The following PWWP3A variants were observed in gnomAD, a reference collection of about 807,000 sequenced individuals.
PWWP3A encodes the protein PWWP domain-containing DNA repair factor 3A.
Under a neutral mutation model 79.0 loss-of-function variants are expected in PWWP3A, and 53 were observed. That is an observed-to-expected ratio of 0.67 (90% CI 0.54 to 0.84). The LOEUF is 0.84. Among genes scored for constraint, PWWP3A ranks in the 40% least tolerant of loss-of-function variants. The pLI, the probability that PWWP3A is intolerant of heterozygous loss-of-function variation, is 0.00. For synonymous variants in PWWP3A, 443 were observed against 394.4 expected (o/e 1.12, Z -1.46); for missense variants, 973 against 948.0 (o/e 1.03, Z -0.35).
chr19:1,376,585 C>T lies in PWWP3A; in HGVS notation c.*9C>T, dbSNP rs761182312. ...ACCGGCGCCGTCGGTGAGGGAGCAG[C>T]CGGCTGTGCTGTCAGCGGGGCCTGG... is the stretch of plus-strand genomic sequence containing the variant. On this transcript the variant is annotated 3_prime_UTR_variant, in exon 14 of 14. Transcript: ENST00000591337. 1.2e-6 allele frequency: 2 copies of T among 1,613,194 alleles called. No individual in the cohort carries two copies. The highest frequency in any genetic ancestry group is 1.7e-5 in the Admixed American group (1 of 59,976).
chr19:1,363,670 C>G (rs2082068170), intron 6 of PWWP3A, among the ~76,000 whole-genome samples: 1 of 152,152 alleles, frequency 6.6e-6, no homozygotes, highest in South Asian at 2.1e-4. Context: ...TCTGAGGGTT[C>G]CCTGACCGGC....
chr19:1,365,512 CTGAT>C (rs2082109664), intron 7 of PWWP3A, among the ~76,000 whole-genome samples: 1 of 152,262 alleles, frequency 6.6e-6, no homozygotes, highest in South Asian at 2.1e-4. Flanking sequence ...TTGCATGTGA[CTGAT>C]TGTGGTTCCG....
At position 1,376,520 on chromosome 19, in the gene PWWP3A, G is replaced by T. The variant is rs1257945719; in HGVS notation, c.2077G>T (p.Glu693Ter). 6.2e-7 allele frequency: 1 copy of T among 1,613,246 alleles called. No homozygotes were observed. The highest frequency in any genetic ancestry group is 1.7e-5 in the Admixed American group (1 of 59,942). The stretch of plus-strand genomic sequence containing the variant: ...AATGAAGACTCTTGTTTTCTGAAGG[G>T]AAAAAGAAATATTTGACAACCAGCT... ...YIKGPSLSYR[E>*]KEIFDNQLLE... Residue 693 changes from glutamate (E) to a stop codon, truncating the protein, a stop_gained and splice_region_variant, in exon 14 of 14, where the codon GAA becomes TAA. Transcript: ENST00000591337. LOFTEE classifies it high-confidence loss of function.
Position 1,364,142 on chromosome 19 carries a change from A to G in PWWP3A, c.1214-367A>G, listed in dbSNP as rs201874289. The stretch of plus-strand genomic sequence containing the variant: ...ACCTCACCTCTGTTTTGTGCCACAC[A>G]CTCTTTAAAAGTGTCTTCCCGCGGG... On this transcript the variant is annotated intron_variant, in intron 6 of 13. Transcript: ENST00000591337. The G allele has an allele frequency of 5.9e-4, 237 of 403,912 alleles. 1 individual carries two copies. The highest frequency in any genetic ancestry group is 3.0e-3 in the East Asian group (56 of 18,546). 25.0% of individuals were successfully genotyped at this position (403,912 alleles called of 1,614,324 possible). A position where few individuals can be genotyped will look rare whatever the true frequency, so the allele number is the denominator to read the frequency against.
rs2082302309 is a variant in PWWP3A at position 1,373,371 on chromosome 19, TG to T, written c.2075+213del. The T allele has an allele frequency of 6.8e-6, 4 of 587,852 alleles. No individual in the cohort carries two copies. The East Asian group carries it at 8.5e-5, about 12-fold the overall frequency. The allele number at this position is 587,852 out of a possible 1,614,324, so 36.4% of individuals were successfully genotyped here. A position where few individuals can be genotyped will look rare whatever the true frequency, so the allele number is the denominator to read the frequency against. ...GAAGGCTGTGCCCGGGTCTCCCAGCTGGTCGCTGTGGGCAGCACGGGGCCAC... is the reference window on the plus strand; with the variant it reads ...GAAGGCTGTGCCCGGGTCTCCCAGCTGTCGCTGTGGGCAGCACGGGGCCAC... On this transcript the variant is annotated intron_variant, in intron 13 of 13. Coordinates refer to ENST00000591337, the MANE Select transcript of PWWP3A (RefSeq NM_001369789.1).
At chr19:1,362,444 A>G in intron 6 of PWWP3A, 93 bp downstream of exon 6, 2 of 930,738 alleles carry the variant, frequency 2.1e-6, no homozygotes, top group Non-Finnish European at 3.3e-6. Flanking sequence ...ATTCTCCATG[A>G]AAGGTCTCCT....
At chr19:1,366,960 C>T (rs973308252) in intron 8 of PWWP3A, among the ~76,000 whole-genome samples, 200 bp from the exon 9 acceptor site, 37 of 152,312 alleles carry the variant, frequency 2.4e-4, no homozygotes, top group African/African-American at 7.7e-4. Flanking sequence ...GGGGCCCAGT[C>T]AGTGTTGCTG....
intron 13 of PWWP3A, 79 bp downstream of exon 13, chr19:1,373,239 G>T: frequency 7.7e-7 from 1 of 1,305,880 alleles, no homozygotes; most frequent in South Asian, 1.2e-5. Flanking sequence ...CAGGCAGTTT[G>T]ACTCCAGGCT....
rs959050726 is a variant in PWWP3A, at chr19:1,367,228, G to A, written c.1422+8G>A. The A allele has an allele frequency of 6.2e-7, 1 of 1,610,548 alleles. No individual in the cohort carries two copies. The highest frequency in any genetic ancestry group is 8.5e-7 in the Non-Finnish European group (1 of 1,177,788). On this transcript the variant is annotated splice_region_variant and intron_variant, in intron 9 of 13. Coordinates refer to ENST00000591337, the MANE Select transcript of PWWP3A (RefSeq NM_001369789.1). ...GAGAAACAGACGCTTCTGGTAGGTG[G>A]ATGATGTTTTGTGCTTGCTTTAAAT...
chr19:1,363,525 C>T (rs1414270002), intron 6 of PWWP3A, among the ~76,000 whole-genome samples: 3 of 152,206 alleles, frequency 2.0e-5, no homozygotes, highest in African/African-American at 4.8e-5. Context: ...GGGCCCTTTC[C>T]GACCACGCTG....
chr19:1,364,611 T>A, intron 7 of PWWP3A, 32 bp downstream of exon 7: 1 of 1,462,198 alleles, frequency 6.8e-7, no homozygotes, highest in Non-Finnish European at 9.4e-7. Context: ...TTCTCAGATG[T>A]AGTTACTTAA....
In PWWP3A at chr19:1,368,281, GT is replaced by G. The variant is rs1221168015; in HGVS notation, c.1423-982del. Reference sequence around the variant, plus strand: ...TGTGGGGTGAGGAGAAGAGCAGGAAGTTCCGTGCCTTAAACGCAGAAGGGCT... The same window carrying G: ...TGTGGGGTGAGGAGAAGAGCAGGAAGTCCGTGCCTTAAACGCAGAAGGGCT... On this transcript the variant is annotated intron_variant, in intron 9 of 13. Transcript: ENST00000591337. The surrounding 1 kb of genome is among the most constrained non-coding windows in gnomAD (Gnocchi z 4.7). Among the ~76,000 whole-genome samples the G allele has an allele frequency of 6.6e-6, 1 of 152,164 alleles. No individual in the cohort carries two copies. The highest frequency in any genetic ancestry group is 1.5e-5 in the Non-Finnish European group (1 of 68,042).
intron 13 of PWWP3A, among the ~76,000 whole-genome samples, chr19:1,375,459 T>C (rs2082346579): frequency 7.7e-6 from 1 of 129,722 alleles, no homozygotes; most frequent in African/African-American, 2.9e-5. Flanking sequence ...ATATATAATG[T>C]ATATTATATA....
rs1342386002 is a variant in PWWP3A, at chr19:1,358,954, T to C, written c.214+490T>C. On this transcript the variant is annotated intron_variant, in intron 4 of 13. Transcript: ENST00000591337. ...CTGGCACTGGGGTTGGTGGCACCCA[T>C]TGTTTGAGGCACTGTCATGGGGGGC... The C allele has an allele frequency of 2.6e-5, 9 of 343,358 alleles. No homozygotes were observed. In the East Asian group the frequency reaches 5.9e-4, roughly 23 times the overall value. The allele number at this position is 343,358 out of a possible 1,614,324, so 21.3% of individuals were successfully genotyped here.
chr19:1,355,334 T>G (rs961507217), intron 1 of PWWP3A, among the ~76,000 whole-genome samples, 199 bp downstream of exon 1: 6 of 151,728 alleles, frequency 4.0e-5, no homozygotes, highest in Non-Finnish European at 8.8e-5. Flanking sequence ...GGACTCCTTT[T>G]CCCGTCCCTG....
intron 5 of PWWP3A, 153 bp from the exon 6 acceptor site, chr19:1,362,097 G>T: frequency 1.5e-5 from 7 of 477,180 alleles, no homozygotes; most frequent in Non-Finnish European, 2.6e-5. Flanking sequence ...TTTATTAGAA[G>T]CGCACTCTGT....
chr19:1,360,573 G>A lies in PWWP3A; in HGVS notation c.652G>A (p.Gly218Arg). 1 of 1,614,220 alleles carries A rather than the reference G, an allele frequency of 6.2e-7. No individual in the cohort carries two copies. The highest frequency in any genetic ancestry group is 8.5e-7 in the Non-Finnish European group (1 of 1,180,032). The change falls in exon 5 of 14, where the codon GGA becomes AGA. Residue 218 changes from glycine (G) to arginine (R), a missense_variant. By Grantham distance (125) the Gly-to-Arg change is moderately radical. Transcript: ENST00000591337. The surrounding 1 kb of genome is among the most constrained non-coding windows in gnomAD (Gnocchi z 4.4). ...AAATTGGACTCTTGCAAGTAAGAGG[G>A]GAGGAAACTCAGCGCAGAAGGCTAG... ...HKNWTLASKR[G>R]GNSAQKASLC...
intron 1 of PWWP3A, 31 bp from the exon 2 acceptor site, chr19:1,356,293 T>A (rs1475627570): frequency 8.5e-7 from 1 of 1,173,298 alleles, no homozygotes; most frequent in South Asian, 1.2e-5. Flanking sequence ...AGCAAACAGT[T>A]GTATAAACCA....
At position 1,356,343 on chromosome 19, in the gene PWWP3A, T is replaced by TGGGA; in HGVS notation, c.-48_-45dup. 1 of 1,591,116 alleles carries TGGGA rather than the reference T, an allele frequency of 6.3e-7. No homozygotes were observed. The highest frequency in any genetic ancestry group is 8.6e-7 in the Non-Finnish European group (1 of 1,159,120). On this transcript the variant is annotated 5_prime_UTR_variant, in exon 2 of 14. Transcript: ENST00000591337. Reference sequence around the variant, plus strand: ...TTCCAGGACACATTGGCGTGAGACCTGGGAGTACGTTGTGCCAAATCATTG... The same window carrying TGGGA: ...TTCCAGGACACATTGGCGTGAGACCTGGGAGGGAGTACGTTGTGCCAAATCATTG...
Sources: gnomAD v4.1 joint callset for allele counts (sites outside exome capture counted in the v4.1 genomes callset) on GRCh38, gnomAD v4.1.1 for gene constraint, Gnocchi (gnomAD v3.1) non-coding constraint, MANE v1.5 for transcripts, NCBI Gene and HGNC (gene_info 2026-07-23, HGNC 2026-07-21) for gene names.